The following SGSM1 variants were observed in gnomAD, a reference collection of about 807,000 sequenced individuals.
SGSM1 encodes the protein RUN and TBC1 domain containing 2.
SGSM1 carries 73 observed loss-of-function variants against 133.8 expected under a neutral mutation model. That is an observed-to-expected ratio of 0.55 (90% CI 0.45 to 0.66). The LOEUF (loss-of-function observed/expected upper bound fraction) is 0.66. SGSM1 is among the 30% of genes least tolerant of loss of function. SGSM1 has a pLI of 0.00. For synonymous variants in SGSM1, 563 were observed against 573.0 expected (o/e 0.98, Z 0.25); for missense variants, 1,213 against 1,448.1 (o/e 0.84, Z 2.64).
chr22:24,900,354 T>TTCCTTCCTTC lies in SGSM1; in HGVS notation c.2611-1479_2611-1478insTCCTTCCTTC, dbSNP rs1569170779. Among the ~76,000 whole-genome samples, 17 of 85,548 alleles carry TTCCTTCCTTC rather than the reference T, an allele frequency of 2.0e-4. 1 individual carries two copies. The highest frequency in any genetic ancestry group is 8.0e-4 in the African/African-American group (15 of 18,674). The allele number at this position is 85,548 out of a possible 152,430, so 56.1% of individuals were successfully genotyped here. On this transcript the variant is annotated intron_variant, in intron 19 of 24. Coordinates refer to ENST00000400358, the MANE Select transcript of SGSM1 (RefSeq NM_001098497.3). Reference sequence around the variant, plus strand: ...ATTGTTAACCTCTTCTTTCTTTCTTTCTTTCTTTCTTTCTTTCTTTCTTTC... The same window carrying TTCCTTCCTTC: ...ATTGTTAACCTCTTCTTTCTTTCTTTTCCTTCCTTCCTTTCTTTCTTTCTTTCTTTCTTTC...
intron 8 of SGSM1, 163 bp from the exon 9 acceptor site, chr22:24,859,553 C>T (rs937442049): frequency 2.1e-6 from 2 of 960,050 alleles, no homozygotes; most frequent in African/African-American, 3.2e-5. Context: ...CTTAGCATGG[C>T]CATCTGGAAG....
chr22:24,850,148 A>T, intron 4 of SGSM1, 132 bp from the exon 5 acceptor site: 1 of 923,038 alleles, frequency 1.1e-6, no homozygotes, highest in East Asian at 2.7e-5. Flanking sequence ...TGCTAGCGGC[A>T]ATATGGGCTC....
chr22:24,859,671 CA>C (rs1931011874), intron 8 of SGSM1, 44 bp from the exon 9 acceptor site: 2 of 1,611,500 alleles, frequency 1.2e-6, no homozygotes, highest in African/African-American at 2.7e-5. Context: ...ATGTCCACAG[CA>C]ACTCCAGCAC....
At chr22:24,817,421 C>T (rs970644793) in intron 2 of SGSM1, among the ~76,000 whole-genome samples, 3 of 151,512 alleles carry the variant, frequency 2.0e-5, no homozygotes, top group Non-Finnish European at 4.4e-5. Flanking sequence ...GGCGCCATCT[C>T]GGCTCCCTGC....
chr22:24,853,539 A>T (rs987894828), intron 5 of SGSM1, among the ~76,000 whole-genome samples: 5 of 152,210 alleles, frequency 3.3e-5, no homozygotes, highest in Non-Finnish European at 5.9e-5. Flanking sequence ...GGGAACAAAA[A>T]GACGTTTAAT....
intron 24 of SGSM1, among the ~76,000 whole-genome samples, chr22:24,922,179 CTTTTTT>C: frequency 9.4e-6 from 1 of 106,854 alleles, no homozygotes; most frequent in African/African-American, 4.1e-5. Flanking sequence ...CACTTACTTT[CTTTTTT>C]TTTTTTTTTT....
chr22:24,911,881 C>T (rs1326932274), intron 21 of SGSM1, among the ~76,000 whole-genome samples: 5 of 151,946 alleles, frequency 3.3e-5, no homozygotes, highest in African/African-American at 1.2e-4. Flanking sequence ...GGTGAAACCC[C>T]GTCTCTACTA....
At chr22:24,816,673 G>T (rs1023394671) in intron 2 of SGSM1, among the ~76,000 whole-genome samples, 12 of 152,026 alleles carry the variant, frequency 7.9e-5, no homozygotes, top group African/African-American at 2.7e-4. Context: ...CCAAAGCGCT[G>T]GGAAAAATTG....
chr22:24,822,768 G>A (rs1478845321), intron 2 of SGSM1, among the ~76,000 whole-genome samples: 2 of 152,210 alleles, frequency 1.3e-5, no homozygotes, highest in African/African-American at 4.8e-5. Flanking sequence ...TGGTTGCTCT[G>A]CCACTGGGGT....
At chr22:24,842,367 C>G (rs1371191695) in intron 2 of SGSM1, among the ~76,000 whole-genome samples, 1 of 152,144 alleles carries the variant, frequency 6.6e-6, no homozygotes, top group Non-Finnish European at 1.5e-5. Context: ...CTGTTTCCTC[C>G]CCTGACAAAT....
intron 16 of SGSM1, among the ~76,000 whole-genome samples, chr22:24,893,086 G>A (rs974642136): frequency 1.3e-5 from 2 of 151,268 alleles, no homozygotes. Flanking sequence ...AAGCGGAGGG[G>A]GGGGAGGGAA....
chr22:24,812,406 G>A (rs1170110759), intron 2 of SGSM1, among the ~76,000 whole-genome samples: 6 of 152,160 alleles, frequency 3.9e-5, no homozygotes, highest in Admixed American at 3.9e-4. Context: ...CTGTCAGTCC[G>A]TGGAGAAGTC....
At position 24,859,987 on chromosome 22, in the gene SGSM1, C is replaced by T. The variant is rs1053473643; in HGVS notation, c.926+147C>T. 1.8e-5 allele frequency: 21 copies of T among 1,142,040 alleles called. No homozygotes were observed. In the African/African-American group the frequency reaches 2.6e-4, roughly 14 times the overall value. The allele number at this position is 1,142,040 out of a possible 1,614,324, so 70.7% of individuals were successfully genotyped here. ...GGTTGTTAGGACCACTTGGCTCAGC[C>T]TCCCCGCAGCTGTGGCCTCCCAGGA... is the stretch of plus-strand genomic sequence containing the variant. On this transcript the variant is annotated intron_variant, in intron 9 of 24. Transcript: ENST00000400358.
chr22:24,904,998 A>T, intron 20 of SGSM1, 107 bp from the exon 21 acceptor site: 1 of 855,792 alleles, frequency 1.2e-6, no homozygotes, highest in Non-Finnish European at 2.0e-6. Context: ...AGGCTGAGGG[A>T]GGGGTCCAGG....
chr22:24,920,384 G>T (rs191550877), intron 24 of SGSM1, among the ~76,000 whole-genome samples: 1 of 152,184 alleles, frequency 6.6e-6, no homozygotes, highest in African/African-American at 2.4e-5. Flanking sequence ...AGCAATTTGA[G>T]TAACACGAAA....
chr22:24,871,109 C>T (rs184380881), intron 12 of SGSM1, among the ~76,000 whole-genome samples: 1 of 152,288 alleles, frequency 6.6e-6, no homozygotes, highest in Non-Finnish European at 1.5e-5. Context: ...TGGTCCTGTG[C>T]ATTGTGGGAT....
intron 2 of SGSM1, among the ~76,000 whole-genome samples, chr22:24,824,818 A>G (rs1928708165): frequency 6.6e-6 from 1 of 152,198 alleles, no homozygotes; most frequent in African/African-American, 2.4e-5. Context: ...TTATTCACCT[A>G]GAACCAAGGT....
chr22:24,889,594 G>C (rs998722667), intron 16 of SGSM1, among the ~76,000 whole-genome samples: 7 of 151,418 alleles, frequency 4.6e-5, no homozygotes, highest in Non-Finnish European at 7.4e-5. Context: ...ATTTTTAGTA[G>C]AGACGAGGTT....
chr22:24,822,221 G>C (rs1180299435), intron 2 of SGSM1, among the ~76,000 whole-genome samples: 3 of 151,574 alleles, frequency 2.0e-5, no homozygotes, highest in African/African-American at 7.3e-5. Context: ...CTCCCGAGTA[G>C]CTGGGACCAC....
Sources: gnomAD v4.1 joint callset for allele counts (sites outside exome capture counted in the v4.1 genomes callset) on GRCh38, gnomAD v4.1.1 for gene constraint, MANE v1.5 for transcripts, NCBI Gene and HGNC (gene_info 2026-07-23, HGNC 2026-07-21) for gene names.